The following NF1 variants were observed in gnomAD, a reference collection of about 807,000 sequenced individuals.
NF1 encodes the protein neurofibromin.
A neutral mutation model predicts 325.7 loss-of-function variants in NF1; 122 were observed. The ratio of observed to expected loss-of-function variants is 0.37; its 90% CI spans 0.32 to 0.44. The LOEUF (loss-of-function observed/expected upper bound fraction) is 0.44, where lower values mean the gene tolerates loss of function less well. Among genes scored for constraint, NF1 ranks in the 20% least tolerant of loss-of-function variants. The pLI, the probability that NF1 is intolerant of heterozygous loss-of-function variation, is 1.00. For synonymous variants in NF1, 1,091 were observed against 1,186.0 expected (o/e 0.92, Z 1.65); for missense variants, 2,140 against 3,415.4 (o/e 0.63, Z 9.31).
Position 31,096,771 on chromosome 17 carries a change from G to C in NF1, c.60+1402G>C, listed in dbSNP as rs150326083. On this transcript the variant is annotated intron_variant, in intron 1 of 57. Transcript: ENST00000358273. ...GAGAAGAAGCTATGTAGATAAAATA[G>C]AGTTATGAAGCTGTCAGAGACTTGA... is the stretch of plus-strand genomic sequence containing the variant. Among the ~76,000 whole-genome samples the C allele has an allele frequency of 6.0e-3, 912 of 152,306 alleles. 7 individuals are homozygous for C. Among genetic ancestry groups the C allele is most frequent in the Middle Eastern group, 0.01 (3 of 294 alleles).
At chr17:31,151,445 C>T (rs1916935621) in intron 1 of NF1, among the ~76,000 whole-genome samples, 1 of 152,138 alleles carries the variant, frequency 6.6e-6, no homozygotes, top group South Asian at 2.1e-4. Flanking sequence ...AGTATATCCT[C>T]CAGGAAAAGG....
At chr17:31,174,454 C>A (rs1479383079) in intron 5 of NF1, among the ~76,000 whole-genome samples, 1 of 152,100 alleles carries the variant, frequency 6.6e-6, no homozygotes, top group Non-Finnish European at 1.5e-5. Context: ...CTGGACACTT[C>A]TAGAGATTCC....
intron 47 of NF1, among the ~76,000 whole-genome samples, chr17:31,341,140 C>T (rs935186166): frequency 1.3e-5 from 2 of 152,080 alleles, no homozygotes; most frequent in African/African-American, 4.8e-5. Flanking sequence ...ACGTATAATT[C>T]ATAGTAGATA....
At chr17:31,230,233 T>C (rs761985260) in intron 22 of NF1, 27 bp from the exon 23 acceptor site, 1 of 1,611,974 alleles carries the variant, frequency 6.2e-7, no homozygotes, top group Non-Finnish European at 8.5e-7. Flanking sequence ...ATCTGATAAT[T>C]TTTTTATTGT....
At chr17:31,287,244 G>A (rs17884894) in intron 36 of NF1, among the ~76,000 whole-genome samples, 170 of 152,272 alleles carry the variant, frequency 1.1e-3, no homozygotes, top group African/African-American at 3.9e-3. Flanking sequence ...ACAAAGGATA[G>A]TAATCATTAA....
intron 15 of NF1, chr17:31,222,859 T>G (rs1232925291): frequency 6.4e-6 from 1 of 156,590 alleles, no homozygotes; most frequent in African/African-American, 2.4e-5. Flanking sequence ...GCTACCATGT[T>G]AGACAGTGCA....
intron 39 of NF1, 98 bp from the exon 40 acceptor site, chr17:31,334,740 T>G: frequency 2.1e-6 from 2 of 973,492 alleles, no homozygotes; most frequent in Non-Finnish European, 3.2e-6. Context: ...GGTAATAGTC[T>G]TTACCTTTTA....
In NF1 at chr17:31,349,035, TAGTC is replaced by T. The variant is rs576178368; in HGVS notation, c.7190-82_7190-79del. Reference sequence around the variant, plus strand: ...ATATTTCCTTTCCTTGCAGAGTTGTTAGTCAGGGAAGAAGACCTCAGCAGATGCT... The same window carrying T: ...ATATTTCCTTTCCTTGCAGAGTTGTTAGGGAAGAAGACCTCAGCAGATGCT... On this transcript the variant is annotated intron_variant, in intron 48 of 57. Transcript: ENST00000358273. 30 of 1,498,532 alleles carry T rather than the reference TAGTC, an allele frequency of 2.0e-5. No individual in the cohort carries two copies. In the African/African-American group the frequency reaches 2.2e-4, roughly 11 times the overall value. The allele number at this position is 1,498,532 out of a possible 1,614,324, so 92.8% of individuals were successfully genotyped here.
chr17:31,125,457 C>G (rs1914798756), intron 1 of NF1, among the ~76,000 whole-genome samples: 1 of 152,026 alleles, frequency 6.6e-6, no homozygotes, highest in South Asian at 2.1e-4. Flanking sequence ...TGTCTGGGAG[C>G]AGAATTTTTC....
At chr17:31,289,788 T>G (rs1265553264) in intron 36 of NF1, among the ~76,000 whole-genome samples, 5 of 152,184 alleles carry the variant, frequency 3.3e-5, no homozygotes, top group African/African-American at 9.6e-5. Context: ...TTTAAATGCC[T>G]TAACTGTAGA....
At chr17:31,300,691 G>C (rs895464163) in intron 36 of NF1, among the ~76,000 whole-genome samples, 2 of 152,006 alleles carry the variant, frequency 1.3e-5, no homozygotes, top group Non-Finnish European at 2.9e-5. Flanking sequence ...TGGGTAAAAG[G>C]GTAAATGCAT....
chr17:31,302,514 CT>C (rs1221363055), intron 36 of NF1, among the ~76,000 whole-genome samples: 1 of 152,172 alleles, frequency 6.6e-6, no homozygotes, highest in Non-Finnish European at 1.5e-5. Context: ...AAATTCTCAA[CT>C]CCAGATTGCT....
intron 8 of NF1, among the ~76,000 whole-genome samples, chr17:31,187,212 T>A (rs968709022): frequency 1.3e-5 from 2 of 152,140 alleles, no homozygotes; most frequent in Admixed American, 6.5e-5. Context: ...TGTTTGTTTG[T>A]TTTTTGAGAT....
chr17:31,280,793 C>G (rs1211142886), intron 36 of NF1, among the ~76,000 whole-genome samples: 1 of 151,128 alleles, frequency 6.6e-6, no homozygotes, highest in Admixed American at 6.6e-5. Context: ...CTCCTTTTAG[C>G]TAAGTTTTCT....
intron 1 of NF1, among the ~76,000 whole-genome samples, chr17:31,107,536 A>G (rs1408208750): frequency 6.6e-6 from 1 of 151,652 alleles, no homozygotes; most frequent in Non-Finnish European, 1.5e-5. Context: ...GAGTGCTGGG[A>G]TTACAGGCAT....
intron 38 of NF1, among the ~76,000 whole-genome samples, chr17:31,330,043 C>T (rs767574408): frequency 4.6e-5 from 7 of 152,124 alleles, no homozygotes; most frequent in Admixed American, 2.6e-4. Flanking sequence ...CTATACCCCG[C>T]CCCTCTGTCA....
intron 36 of NF1, among the ~76,000 whole-genome samples, chr17:31,268,491 G>A (rs1235654550): frequency 1.3e-5 from 2 of 151,976 alleles, no homozygotes; most frequent in East Asian, 2.0e-4. Context: ...GGCAGGCGTG[G>A]TGGCACGTGG....
chr17:31,150,660 A>C (rs1014401547), intron 1 of NF1, among the ~76,000 whole-genome samples: 1 of 152,172 alleles, frequency 6.6e-6, no homozygotes, highest in Non-Finnish European at 1.5e-5. Flanking sequence ...TATTGTATCT[A>C]TATTATCAAG....
intron 1 of NF1, among the ~76,000 whole-genome samples, chr17:31,110,532 G>A (rs757478717): frequency 4.6e-5 from 7 of 152,008 alleles, no homozygotes; most frequent in Non-Finnish European, 8.8e-5. Context: ...TATATTCTGG[G>A]GTTTCTATGG....
Sources: allele counts gnomAD v4.1 joint callset (sites outside exome capture counted in the v4.1 genomes callset), GRCh38; gene constraint gnomAD v4.1.1; transcripts MANE v1.5; gene names NCBI Gene and HGNC (gene_info 2026-07-23, HGNC 2026-07-21).